The following ARHGAP26 variants were observed in gnomAD, a reference collection of about 807,000 sequenced individuals.
ARHGAP26 encodes rho GTPase-activating protein 26.
A neutral mutation model predicts 104.8 loss-of-function variants in ARHGAP26; 38 were observed. The observed-to-expected ratio is 0.36, with a 90% CI of 0.28 to 0.48. The LOEUF is 0.48. ARHGAP26 is among the 20% of genes least tolerant of loss of function. ARHGAP26 has a pLI of 0.99. For synonymous variants in ARHGAP26, 341 were observed against 340.0 expected (o/e 1.00, Z -0.03); for missense variants, 704 against 947.9 (o/e 0.74, Z 3.38).
intron 5 of ARHGAP26, among the ~76,000 whole-genome samples, chr5:142,890,192 A>ATATATG (rs1758449913): frequency 8.1e-6 from 1 of 123,918 alleles, no homozygotes; most frequent in Non-Finnish European, 1.7e-5. Flanking sequence ...ATATATATAT[A>ATATATG]TATATGAAAG....
At chr5:143,218,465 C>A (rs1362228613) in intron 22 of ARHGAP26, among the ~76,000 whole-genome samples, 1 of 152,200 alleles carries the variant, frequency 6.6e-6, no homozygotes. Context: ...ACCCAGGGGT[C>A]TGCACCTCTT....
At chr5:142,968,151 A>G (rs867213995) in intron 11 of ARHGAP26, among the ~76,000 whole-genome samples, 1 of 152,136 alleles carries the variant, frequency 6.6e-6, no homozygotes, top group Non-Finnish European at 1.5e-5. Flanking sequence ...TTTAATCCTC[A>G]TAACAACTCT....
chr5:143,166,152 AC>A (rs1801913339), intron 20 of ARHGAP26: 1 of 1,225,834 alleles, frequency 8.2e-7, no homozygotes, highest in East Asian at 5.0e-5. Flanking sequence ...AAAGAATAAC[AC>A]ACGCCCTTCC....
intron 1 of ARHGAP26, among the ~76,000 whole-genome samples, chr5:142,849,398 A>G (rs1396293584): frequency 6.6e-6 from 1 of 152,204 alleles, no homozygotes; most frequent in East Asian, 1.9e-4. Context: ...AAAAAGACAA[A>G]TGGTGCTTGA....
intron 1 of ARHGAP26, among the ~76,000 whole-genome samples, chr5:142,780,185 T>A (rs893035236): frequency 6.6e-6 from 1 of 152,236 alleles, no homozygotes; most frequent in Non-Finnish European, 1.5e-5. Flanking sequence ...CATAGAGAGC[T>A]CACTCATTGT....
At chr5:143,128,321 A>G (rs561551848) in intron 18 of ARHGAP26, among the ~76,000 whole-genome samples, 24 of 152,226 alleles carry the variant, frequency 1.6e-4, no homozygotes, top group Non-Finnish European at 3.4e-4. Context: ...CAAAGAGAAC[A>G]GGAAATAGAA....
chr5:143,054,537 T>C lies in ARHGAP26; in HGVS notation c.1373+11T>C, dbSNP rs372944589. 1.3e-6 allele frequency: 2 copies of C among 1,587,804 alleles called. No homozygotes were observed. The highest frequency in any genetic ancestry group is 1.7e-6 in the Non-Finnish European group (2 of 1,161,578). On this transcript the variant is annotated intron_variant, in intron 15 of 22. Transcript: ENST00000645722. ...GAAGACCTACCTAAGGTAGGGACTT[T>C]CCATTTGCAAGGCAGAGTGCCAGCT...
At chr5:142,870,129 C>T (rs774095725) in intron 1 of ARHGAP26, among the ~76,000 whole-genome samples, 1 of 152,164 alleles carries the variant, frequency 6.6e-6, no homozygotes, top group East Asian at 1.9e-4. Flanking sequence ...ACTGCCTGCA[C>T]ATGAAACAGC....
rs79749107 is a variant in ARHGAP26, at chr5:143,219,754, A to G, written c.2192-2604A>G. On this transcript the variant is annotated intron_variant, in intron 22 of 22. Coordinates refer to ENST00000645722, the MANE Select transcript of ARHGAP26 (RefSeq NM_001135608.3). ...CCTAACTTCCTGTGAGCTAGTGAAA[A>G]TACAGGTTCCTGTGTCCCATTCCCA... is the stretch of plus-strand genomic sequence containing the variant. 9.5e-4 allele frequency among the ~76,000 whole-genome samples: 145 copies of G among 152,336 alleles called. 1 individual carries two copies. Among genetic ancestry groups the G allele is most frequent in the African/African-American group, 3.4e-3 (140 of 41,568 alleles).
At chr5:143,075,786 C>T (rs1479339911) in intron 17 of ARHGAP26, among the ~76,000 whole-genome samples, 3 of 152,062 alleles carry the variant, frequency 2.0e-5, no homozygotes, top group African/African-American at 7.2e-5. Flanking sequence ...ACAACCTCTG[C>T]CTCCCGGGCT....
chr5:143,134,676 A>G (rs1797723876), intron 19 of ARHGAP26, among the ~76,000 whole-genome samples: 2 of 152,248 alleles, frequency 1.3e-5, no homozygotes, highest in African/African-American at 2.4e-5. Context: ...TATCACCACA[A>G]TTATATCACA....
Position 143,228,926 on chromosome 5 carries a change from A to T in ARHGAP26, c.*6480A>T, listed in dbSNP as rs571679410. ...GGCCTCTGAAACTTGGCTTTCTTAC[A>T]TGTGGTTGGTTTATGTGACAATCCC... On this transcript the variant is annotated 3_prime_UTR_variant, in exon 23 of 23. Coordinates refer to ENST00000645722, the MANE Select transcript of ARHGAP26 (RefSeq NM_001135608.3). 5.3e-6 allele frequency: 1 copy of T among 187,992 alleles called. No individual in the cohort carries two copies. Among genetic ancestry groups the T allele is most frequent in the East Asian group, 8.5e-5 (1 of 11,744 alleles). 11.6% of individuals were successfully genotyped at this position (187,992 alleles called of 1,614,324 possible). A position where few individuals can be genotyped will look rare whatever the true frequency, so the allele number is the denominator to read the frequency against.
At chr5:143,013,240 A>C (rs1423983015) in intron 11 of ARHGAP26, among the ~76,000 whole-genome samples, 3 of 152,198 alleles carry the variant, frequency 2.0e-5, no homozygotes, top group Non-Finnish European at 4.4e-5. Flanking sequence ...TTAGTTTTTA[A>C]ATTTTGTCAA....
intron 11 of ARHGAP26, among the ~76,000 whole-genome samples, chr5:142,993,456 A>G (rs1775945553): frequency 4.6e-5 from 7 of 152,078 alleles, no homozygotes; most frequent in Admixed American, 4.6e-4. Context: ...GGTGTGAGCC[A>G]CCACGCCCGG....
Position 143,207,320 on chromosome 5 carries a change from G to A in ARHGAP26, c.2099+12G>A, listed in dbSNP as rs1355582413. 3 of 1,614,112 alleles carry A rather than the reference G, an allele frequency of 1.9e-6. No homozygotes were observed. The South Asian group carries it at 3.3e-5, about 18-fold the overall frequency. ...TCATCCCCCGTCAGGTCTGTTGCAG[G>A]GTTTGTTTGGTTTTCTGTTGCTGCC... On this transcript the variant is annotated intron_variant, in intron 21 of 22. Coordinates refer to ENST00000645722, the MANE Select transcript of ARHGAP26 (RefSeq NM_001135608.3).
Position 143,056,009 on chromosome 5 carries a change from C to T in ARHGAP26, c.1374-19C>T. 2 of 1,600,296 alleles carry T rather than the reference C, an allele frequency of 1.2e-6. No individual in the cohort carries two copies. Among genetic ancestry groups the T allele is most frequent in the Non-Finnish European group, 8.6e-7 (1 of 1,168,636 alleles). ...TATTCTTATTATTAAGCTGACTAGC[C>T]TATCTCCTTTTCCTCCAGAATGCTT... On this transcript the variant is annotated intron_variant, in intron 15 of 22. Coordinates refer to ENST00000645722, the MANE Select transcript of ARHGAP26 (RefSeq NM_001135608.3).
chr5:142,795,386 G>C lies in ARHGAP26; in HGVS notation c.154+24471G>C, dbSNP rs1318576508. ...GCACAGCATGCTCTAGGGAAGAAGA[G>C]GCCAAGCTCTAATGGTCTTTGTAAT... On this transcript the variant is annotated intron_variant, in intron 1 of 22. Transcript: ENST00000645722. Among the ~76,000 whole-genome samples the C allele has an allele frequency of 1.3e-5, 2 of 151,658 alleles. 1 individual carries two copies. The highest frequency in any genetic ancestry group is 3.9e-4 in the East Asian group (2 of 5,174).
intron 11 of ARHGAP26, among the ~76,000 whole-genome samples, chr5:142,980,700 T>G (rs1773822617): frequency 6.6e-6 from 1 of 152,164 alleles, no homozygotes; most frequent in South Asian, 2.1e-4. Context: ...GGAATGTTCT[T>G]CTACAGGTGT....
At chr5:143,058,202 CAA>C in intron 17 of ARHGAP26, 2 of 395,246 alleles carry the variant, frequency 5.1e-6, no homozygotes, top group South Asian at 4.8e-5. Context: ...CAGCCCTGAA[CAA>C]ACTGCTGAAC....
Sources: gnomAD v4.1 joint callset for allele counts (sites outside exome capture counted in the v4.1 genomes callset) on GRCh38, gnomAD v4.1.1 for gene constraint, MANE v1.5 for transcripts, NCBI Gene and HGNC (gene_info 2026-07-23, HGNC 2026-07-21) for gene names.